The following PLPPR5 variants were observed in gnomAD, a reference collection of about 807,000 sequenced individuals.
The protein encoded by PLPPR5 is phospholipid phosphatase-related protein type 5.
PLPPR5 carries 16 observed loss-of-function variants against 33.9 expected under a neutral mutation model. That is an observed-to-expected ratio of 0.47 (90% CI 0.32 to 0.72). The LOEUF (loss-of-function observed/expected upper bound fraction) is 0.72, where lower values mean the gene tolerates loss of function less well. Among genes scored for constraint, PLPPR5 ranks in the 30% least tolerant of loss-of-function variants. The pLI is 0.03. For missense variants in PLPPR5, 301 were observed against 406.7 expected, an observed-to-expected ratio of 0.74 and a Z score of 2.23; for synonymous variants, 163 against 150.3, an observed-to-expected ratio of 1.08 and a Z score of -0.62.
intron 3 of PLPPR5, among the ~76,000 whole-genome samples, chr1:98,931,636 C>T (rs549244357): frequency 2.3e-4 from 35 of 152,146 alleles, no homozygotes; most frequent in African/African-American, 8.0e-4. Context: ...CCTTCAAGAG[C>T]ATGCCTGAAG....
intron 2 of PLPPR5, among the ~76,000 whole-genome samples, chr1:98,955,893 C>T (rs1461174463): frequency 7.2e-5 from 11 of 151,862 alleles, no homozygotes; most frequent in East Asian, 1.9e-4. Flanking sequence ...AATTGTATTG[C>T]GTCAGTTAAA....
chr1:98,986,659 G>A (rs1395961134), intron 1 of PLPPR5, among the ~76,000 whole-genome samples: 2 of 151,848 alleles, frequency 1.3e-5, no homozygotes, highest in Non-Finnish European at 2.9e-5. Context: ...TAGAATATTT[G>A]TGGAAGACGA....
chr1:98,951,094 G>T (rs572679846), intron 3 of PLPPR5, among the ~76,000 whole-genome samples: 2 of 152,228 alleles, frequency 1.3e-5, no homozygotes, highest in Non-Finnish European at 2.9e-5. Flanking sequence ...CATTGGCTAG[G>T]TCACGTATTT....
At chr1:98,986,309 A>C (rs1485590209) in intron 1 of PLPPR5, among the ~76,000 whole-genome samples, 1 of 151,918 alleles carries the variant, frequency 6.6e-6, no homozygotes, top group African/African-American at 2.4e-5. Context: ...TAGAGGAAAC[A>C]CATAATTTTA....
chr1:98,942,126 C>T lies in PLPPR5; in HGVS notation c.621+10944G>A, dbSNP rs1453325559. On this transcript the variant is annotated intron_variant, in intron 3 of 5. Coordinates refer to ENST00000263177, the MANE Select transcript of PLPPR5 (RefSeq NM_001037317.2). ...TCGCTCTGTCGCCCAGGCTGGAGTGCAGTGGCGCAATCTCGGCTCACTGCA... is the reference window on the plus strand; with the variant it reads ...TCGCTCTGTCGCCCAGGCTGGAGTGTAGTGGCGCAATCTCGGCTCACTGCA... Among the ~76,000 whole-genome samples, 3 of 147,784 alleles carry T rather than the reference C, an allele frequency of 2.0e-5. No individual in the cohort carries two copies. The East Asian group carries it at 5.8e-4, about 29-fold the overall frequency.
intron 1 of PLPPR5, among the ~76,000 whole-genome samples, chr1:98,994,409 T>G (rs187381850): frequency 6.6e-6 from 1 of 152,190 alleles, no homozygotes; most frequent in East Asian, 1.9e-4. Flanking sequence ...TAATGAAAAC[T>G]TGAAAAATTC....
At chr1:98,980,335 C>T (rs1324904047) in intron 1 of PLPPR5, among the ~76,000 whole-genome samples, 1 of 152,042 alleles carries the variant, frequency 6.6e-6, no homozygotes. Flanking sequence ...TAAGTTCTCT[C>T]TCATAAGCGA....
chr1:98,997,133 TA>T (rs1163173866), intron 1 of PLPPR5, among the ~76,000 whole-genome samples: 60 of 152,166 alleles, frequency 3.9e-4, no homozygotes, highest in African/African-American at 1.4e-3. Flanking sequence ...CAATAAAAAT[TA>T]TTAGCATTTA....
At chr1:98,905,879 AC>A (rs1239482442) in intron 5 of PLPPR5, among the ~76,000 whole-genome samples, 1 of 152,078 alleles carries the variant, frequency 6.6e-6, no homozygotes, top group Non-Finnish European at 1.5e-5. Context: ...TACTTAAATG[AC>A]CTTTTGGGTG....
In PLPPR5 at chr1:98,953,171, C is replaced by T; in HGVS notation, c.520G>A (p.Glu174Lys). 1 of 1,614,034 alleles carries T rather than the reference C, an allele frequency of 6.2e-7. No individual in the cohort carries two copies. Among genetic ancestry groups the T allele is most frequent in the Non-Finnish European group, 8.5e-7 (1 of 1,180,004 alleles). The change falls in exon 3 of 6, where the codon GAA becomes AAA. Residue 174 changes from glutamate to lysine, a missense_variant. Coordinates refer to ENST00000263177, the MANE Select transcript of PLPPR5 (RefSeq NM_001037317.2). ...CQQYTQFISGEEACTGNPDLI... is the reference protein window; with the variant it reads ...CQQYTQFISGKEACTGNPDLI... ...TCTGGGTTGCCAGTACAGGCCTCTTCCCCACTGATGAATTGTGTATACTGC... is the reference window on the plus strand; with the variant it reads ...TCTGGGTTGCCAGTACAGGCCTCTTTCCCACTGATGAATTGTGTATACTGC...
chr1:98,924,182 T>G (rs1288930203), intron 3 of PLPPR5, among the ~76,000 whole-genome samples: 1 of 152,224 alleles, frequency 6.6e-6, no homozygotes, highest in Non-Finnish European at 1.5e-5. Flanking sequence ...AAGCATTTTA[T>G]TAACAAATTA....
chr1:98,923,173 C>G (rs187403795), intron 3 of PLPPR5, among the ~76,000 whole-genome samples: 16 of 152,254 alleles, frequency 1.1e-4, no homozygotes, highest in Non-Finnish European at 2.4e-4. Flanking sequence ...TAATTTGGTC[C>G]TTCCCCCATC....
chr1:98,933,866 G>GT (rs1206667976), intron 3 of PLPPR5, among the ~76,000 whole-genome samples: 4 of 152,310 alleles, frequency 2.6e-5, no homozygotes, highest in South Asian at 4.1e-4. Context: ...GTGAGCAGAT[G>GT]TATCTGGCTA....
chr1:98,924,704 C>A (rs1006602480), intron 3 of PLPPR5, among the ~76,000 whole-genome samples: 3 of 152,094 alleles, frequency 2.0e-5, no homozygotes, highest in Non-Finnish European at 4.4e-5. Context: ...TGGGCTACAT[C>A]CCTGTGAAGT....
chr1:98,964,852 G>A (rs908628599), intron 1 of PLPPR5, among the ~76,000 whole-genome samples: 4 of 152,146 alleles, frequency 2.6e-5, no homozygotes, highest in African/African-American at 9.7e-5. Flanking sequence ...TGCCCAGGGT[G>A]GAGTGCCATG....
rs535582020 is a variant in PLPPR5 at position 98,953,053 on chromosome 1, T to C, written c.621+17A>G. Reference sequence around the variant, plus strand: ...AATAATACAGACTAAGACAACAAATTTATAATCCTTACTTACGGTCAGATA... The same window carrying C: ...AATAATACAGACTAAGACAACAAATCTATAATCCTTACTTACGGTCAGATA... On this transcript the variant is annotated intron_variant, in intron 3 of 5. Coordinates refer to ENST00000263177, the MANE Select transcript of PLPPR5 (RefSeq NM_001037317.2). 10 of 1,613,136 alleles carry C rather than the reference T, an allele frequency of 6.2e-6. No homozygotes were observed. Among genetic ancestry groups the C allele is most frequent in the Non-Finnish European group, 8.5e-6 (10 of 1,179,518 alleles).
At chr1:98,974,331 A>AC (rs1651770726) in intron 1 of PLPPR5, among the ~76,000 whole-genome samples, 1 of 152,114 alleles carries the variant, frequency 6.6e-6, no homozygotes, top group Non-Finnish European at 1.5e-5. Flanking sequence ...TCTGAGAAAA[A>AC]GCTTGACAGT....
intron 4 of PLPPR5, among the ~76,000 whole-genome samples, chr1:98,917,812 T>G (rs1413280813): frequency 1.3e-5 from 2 of 152,260 alleles, no homozygotes; most frequent in Non-Finnish European, 2.9e-5. Context: ...CTTTGATTGA[T>G]GTGTCTCTTC....
At chr1:98,937,748 G>T (rs1650226349) in intron 3 of PLPPR5, among the ~76,000 whole-genome samples, 1 of 152,168 alleles carries the variant, frequency 6.6e-6, no homozygotes, top group African/African-American at 2.4e-5. Flanking sequence ...GCCACATTTT[G>T]CCTTTTTCAC....
Sources: gnomAD v4.1 joint callset for allele counts (sites outside exome capture counted in the v4.1 genomes callset) on GRCh38, gnomAD v4.1.1 for gene constraint, MANE v1.5 for transcripts, NCBI Gene and HGNC (gene_info 2026-07-23, HGNC 2026-07-21) for gene names.